The following SASS6 variants were observed in gnomAD, a reference collection of about 807,000 sequenced individuals.
The protein encoded by SASS6 is SAS-6 centriolar assembly protein, also known as spindle assembly abnormal protein 6 homolog.
Under a neutral mutation model 94.9 loss-of-function variants are expected in SASS6, and 59 were observed. The observed-to-expected ratio is 0.62, with a 90% CI of 0.50 to 0.77. The LOEUF (loss-of-function observed/expected upper bound fraction) is 0.77, where lower values mean the gene tolerates loss of function less well. Among genes scored for constraint, SASS6 ranks in the 30% least tolerant of loss-of-function variants. SASS6 has a pLI of 0.00. For missense variants in SASS6, 698 were observed against 734.1 expected, an observed-to-expected ratio of 0.95 and a Z score of 0.57; for synonymous variants, 264 against 270.0, an observed-to-expected ratio of 0.98 and a Z score of 0.22.
rs1654100317 is a variant in SASS6 at position 100,120,408 on chromosome 1, C to T, written c.535G>A (p.Asp179Asn). 4 of 1,524,832 alleles carry T rather than the reference C, an allele frequency of 2.6e-6. No homozygotes were observed. Among genetic ancestry groups the T allele is most frequent in the Non-Finnish European group, 3.6e-6 (4 of 1,100,378 alleles). 94.5% of individuals were successfully genotyped at this position (1,524,832 alleles called of 1,614,324 possible). A position where few individuals can be genotyped will look rare whatever the true frequency, so the allele number is the denominator to read the frequency against. Residue 179 changes from aspartate to asparagine, a missense_variant, in exon 6 of 17, where the codon GAC becomes AAC. Coordinates refer to ENST00000287482, the MANE Select transcript of SASS6 (RefSeq NM_194292.3). ...ATTTGAATTACCTTTCGTGTAAAGT[C>T]CAGTTGCTTAGTAGCATCATCTAGT... ...QSLDDATKQL[D>N]FTRKTLAEKK...
chr1:100,095,896 G>A (rs1469833695), intron 14 of SASS6, among the ~76,000 whole-genome samples: 1 of 152,116 alleles, frequency 6.6e-6, no homozygotes. Flanking sequence ...AAACATTACT[G>A]AGAGAAAGTA....
intron 1 of SASS6, among the ~76,000 whole-genome samples, chr1:100,126,657 G>A: frequency 6.6e-6 from 1 of 152,156 alleles, no homozygotes; most frequent in Non-Finnish European, 1.5e-5. Context: ...CCCACCTGTA[G>A]TCCCAGCTAT....
intron 7 of SASS6, among the ~76,000 whole-genome samples, chr1:100,117,498 A>C (rs1016115211): frequency 6.6e-6 from 1 of 151,834 alleles, no homozygotes; most frequent in Non-Finnish European, 1.5e-5. Flanking sequence ...AAAAATACTA[A>C]AATTAGCCAG....
At chr1:100,114,533 TAAATAAAAATA>T (rs932484381) in intron 7 of SASS6, among the ~76,000 whole-genome samples, 18 of 149,542 alleles carry the variant, frequency 1.2e-4, no homozygotes, top group East Asian at 5.8e-4. Flanking sequence ...AAAAAATAAA[TAAATAAAAATA>T]AAATAAAAAT....
intron 14 of SASS6, among the ~76,000 whole-genome samples, chr1:100,098,697 G>C (rs1340204291): frequency 4.0e-5 from 6 of 150,528 alleles, no homozygotes; most frequent in Non-Finnish European, 8.8e-5. Context: ...TCCATAAATA[G>C]AGTATTAGTT....
At chr1:100,089,085 TGAAAA>T (rs1260031793) in intron 14 of SASS6, among the ~76,000 whole-genome samples, 10 of 151,428 alleles carry the variant, frequency 6.6e-5, no homozygotes, top group African/African-American at 2.4e-4. Context: ...TAAAAAAGAG[TGAAAA>T]GAAAATTCCA....
At chr1:100,121,350 AAAAG>A in intron 5 of SASS6, 24 bp downstream of exon 5, 1 of 1,391,908 alleles carries the variant, frequency 7.2e-7, no homozygotes, top group Non-Finnish European at 9.9e-7. Flanking sequence ...TTATTTTGTT[AAAAG>A]AATAACTTAA....
In SASS6 at chr1:100,105,959, T is replaced by A; in HGVS notation, c.1409-56A>T. 1.3e-5 allele frequency: 16 copies of A among 1,203,328 alleles called. No homozygotes were observed. The South Asian group carries it at 2.6e-4, about 19-fold the overall frequency. 74.5% of individuals were successfully genotyped at this position (1,203,328 alleles called of 1,614,324 possible). Reference sequence around the variant, plus strand: ...GAATATTGACTGTTTATTTTTCTAATCATCTTAAACATTTAAAAATTATAT... The same window carrying A: ...GAATATTGACTGTTTATTTTTCTAAACATCTTAAACATTTAAAAATTATAT... On this transcript the variant is annotated intron_variant, in intron 12 of 16. Coordinates refer to ENST00000287482, the MANE Select transcript of SASS6 (RefSeq NM_194292.3).
At position 100,107,660 on chromosome 1, in the gene SASS6, T is replaced by C. The variant is rs1653008995; in HGVS notation, c.1114A>G (p.Thr372Ala). The C allele has an allele frequency of 6.2e-7, 1 of 1,605,340 alleles. No individual in the cohort carries two copies. Among genetic ancestry groups the C allele is most frequent in the Non-Finnish European group, 8.5e-7 (1 of 1,175,844 alleles). The change falls in exon 10 of 17, where the codon ACA becomes GCA. Residue 372 changes from threonine (T) to alanine (A), a missense_variant. Thr to Ala is a moderately conservative substitution (Grantham distance 58, BLOSUM62 0). Coordinates refer to ENST00000287482, the MANE Select transcript of SASS6 (RefSeq NM_194292.3). ...NQVQLGKLEA[T>A]IKSLSAELLK... ...AGTTCTGCAGATAATGATTTTATTG[T>C]AGCTTCAAGCTTTCCTAGTTGTACT...
chr1:100,125,075 A>C (rs1553217618), intron 2 of SASS6, among the ~76,000 whole-genome samples: 2 of 151,874 alleles, frequency 1.3e-5, no homozygotes, highest in Non-Finnish European at 2.9e-5. Context: ...TCTGTTAATG[A>C]CTCACACTTT....
chr1:100,116,813 G>C (rs1220163171), intron 7 of SASS6, among the ~76,000 whole-genome samples: 3 of 152,120 alleles, frequency 2.0e-5, no homozygotes, highest in African/African-American at 4.8e-5. Context: ...ATGTAAGTCA[G>C]AAGTATGATA....
intron 14 of SASS6, among the ~76,000 whole-genome samples, chr1:100,089,591 G>C (rs1651535266): frequency 6.6e-6 from 1 of 151,940 alleles, no homozygotes; most frequent in Non-Finnish European, 1.5e-5. Flanking sequence ...GGCAACAACG[G>C]AATAACATCT....
At chr1:100,092,899 A>G (rs949698096) in intron 14 of SASS6, among the ~76,000 whole-genome samples, 40 of 152,092 alleles carry the variant, frequency 2.6e-4, no homozygotes, top group Non-Finnish European at 7.4e-5. Context: ...AAATATGTAT[A>G]ATGGAGGATA....
chr1:100,088,836 A>C (rs1232128840), intron 14 of SASS6, among the ~76,000 whole-genome samples: 2 of 127,098 alleles, frequency 1.6e-5, no homozygotes, highest in African/African-American at 6.9e-5. Context: ...CCCTGTCTAT[A>C]AAAAAAAAAA....
intron 14 of SASS6, among the ~76,000 whole-genome samples, chr1:100,094,510 T>C (rs2101645681): frequency 6.6e-6 from 1 of 152,302 alleles, no homozygotes. Context: ...AAAAGTAAAC[T>C]ACAGGCCAAT....
Position 100,084,487 on chromosome 1 carries a change from T to C in SASS6, c.*841A>G, listed in dbSNP as rs966872505. Reference sequence around the variant, plus strand: ...ATTTGTTTTGCCTAGTTTATTAACATTGAAATCAACCCAAGTTCTGATACT... The same window carrying C: ...ATTTGTTTTGCCTAGTTTATTAACACTGAAATCAACCCAAGTTCTGATACT... On this transcript the variant is annotated 3_prime_UTR_variant, in exon 17 of 17. Coordinates refer to ENST00000287482, the MANE Select transcript of SASS6 (RefSeq NM_194292.3). 2 of 152,094 alleles carry C rather than the reference T, an allele frequency of 1.3e-5. No individual in the cohort carries two copies. Among genetic ancestry groups the C allele is most frequent in the African/African-American group, 2.4e-5 (1 of 41,438 alleles). The allele number at this position is 152,094 out of a possible 1,614,324, so 9.4% of individuals were successfully genotyped here.
chr1:100,117,329 A>G (rs2101679110), intron 7 of SASS6, among the ~76,000 whole-genome samples: 1 of 151,766 alleles, frequency 6.6e-6, no homozygotes, highest in Non-Finnish European at 1.5e-5. Flanking sequence ...CGAAAGGTAG[A>G]AAAGGAATTC....
chr1:100,123,272 C>A lies in SASS6; in HGVS notation c.144G>T (p.Leu48=). ...PVHRKDLVIR[L]TDDTDPFFLY... is the part of the protein sequence containing the mutation. The stretch of plus-strand genomic sequence containing the variant: ...AAAAAAATGGATCCGTGTCATCAGT[C>A]AGACGAATAACTAAGTCCTAAAAGA... Residue 48 remains leucine (L), a synonymous_variant, in exon 3 of 17, where the codon CTG becomes CTT. Transcript: ENST00000287482. 1 of 1,547,350 alleles carries A rather than the reference C, an allele frequency of 6.5e-7. No homozygotes were observed. The highest frequency in any genetic ancestry group is 1.2e-5 in the South Asian group (1 of 86,140).
chr1:100,095,333 C>A (rs1652035028), intron 14 of SASS6, among the ~76,000 whole-genome samples: 3 of 152,072 alleles, frequency 2.0e-5, no homozygotes, highest in Admixed American at 2.0e-4. Context: ...AGCTCAAGAC[C>A]AGCCTGGGCA....
Sources: allele counts gnomAD v4.1 joint callset (sites outside exome capture counted in the v4.1 genomes callset), GRCh38; gene constraint gnomAD v4.1.1; transcripts MANE v1.5; gene names NCBI Gene and HGNC (gene_info 2026-07-23, HGNC 2026-07-21).